Variants in RCOR3 observed in about 807,000 individuals in gnomAD.
The protein encoded by RCOR3 is REST corepressor 3.
Under a neutral mutation model 64.1 loss-of-function variants are expected in RCOR3, and 13 were observed. That is an observed-to-expected ratio of 0.20 (90% CI 0.13 to 0.32). The LOEUF is 0.32. RCOR3 is among the 10% of genes least tolerant of loss of function. RCOR3 has a pLI of 1.00. For synonymous variants in RCOR3, 215 were observed against 239.0 expected, an observed-to-expected ratio of 0.90 and a Z score of 0.93; for missense variants, 489 against 701.2, an observed-to-expected ratio of 0.70 and a Z score of 3.42.
chr1:211,259,955 G>A (rs1305872534), intron 1 of RCOR3, 153 bp from the exon 2 acceptor site: 15 of 1,201,694 alleles, frequency 1.2e-5, no homozygotes, highest in Non-Finnish European at 1.5e-5. Context: ...CCAATCCGCT[G>A]CCATCTCCCG....
intron 7 of RCOR3, among the ~76,000 whole-genome samples, chr1:211,284,084 C>T (rs867104293): frequency 6.6e-5 from 10 of 151,504 alleles, no homozygotes; most frequent in African/African-American, 1.9e-4. Flanking sequence ...GATGGAGTCT[C>T]GCTCTGTCGC....
chr1:211,294,118 A>G (rs1699570866), intron 8 of RCOR3, among the ~76,000 whole-genome samples: 2 of 152,346 alleles, frequency 1.3e-5, no homozygotes, highest in African/African-American at 4.8e-5. Flanking sequence ...CTCTGGAAAA[A>G]TTTGAGCATA....
At chr1:211,275,474 G>A (rs571062826) in intron 4 of RCOR3, among the ~76,000 whole-genome samples, 7 of 152,044 alleles carry the variant, frequency 4.6e-5, no homozygotes, top group African/African-American at 1.7e-4. Flanking sequence ...TTAAAGGACT[G>A]TTATCAGAGT....
At chr1:211,296,489 CT>C (rs960265445) in intron 9 of RCOR3, among the ~76,000 whole-genome samples, 7 of 151,868 alleles carry the variant, frequency 4.6e-5, no homozygotes, top group African/African-American at 1.5e-4. Context: ...CTTATTGGGA[CT>C]TTTTTTCCCC....
chr1:211,307,173 T>A (rs2102655817), intron 10 of RCOR3, among the ~76,000 whole-genome samples: 1 of 152,292 alleles, frequency 6.6e-6, no homozygotes, highest in East Asian at 1.9e-4. Flanking sequence ...ATTCATATGA[T>A]AAACAGAATT....
chr1:211,284,860 A>G (rs1307142850), intron 7 of RCOR3, among the ~76,000 whole-genome samples: 3 of 152,154 alleles, frequency 2.0e-5, no homozygotes, highest in Non-Finnish European at 2.9e-5. Flanking sequence ...ATCTTTTTCA[A>G]CTGGTCTGCA....
chr1:211,307,426 T>G (rs1041467822), intron 10 of RCOR3, among the ~76,000 whole-genome samples: 2 of 150,694 alleles, frequency 1.3e-5, no homozygotes, highest in African/African-American at 4.9e-5. Flanking sequence ...GAGGTGGAGG[T>G]TGCAGTGAGC....
intron 4 of RCOR3, among the ~76,000 whole-genome samples, chr1:211,276,010 C>A (rs929419734): frequency 2.6e-5 from 4 of 152,154 alleles, no homozygotes; most frequent in African/African-American, 7.2e-5. Context: ...CCTCAGCTCA[C>A]TGTTTTTCCT....
intron 2 of RCOR3, 54 bp downstream of exon 2, chr1:211,260,218 G>A: frequency 4.5e-6 from 7 of 1,554,688 alleles, no homozygotes; most frequent in Non-Finnish European, 6.2e-6. Context: ...GGCTTGGTTT[G>A]GGGTGGACGG....
At chr1:211,291,429 C>A in intron 8 of RCOR3, 2 of 381,018 alleles carry the variant, frequency 5.2e-6, no homozygotes, top group South Asian at 4.0e-5. Context: ...GCAAATATCC[C>A]AAAATCCCCT....
At chr1:211,308,686 T>TG (rs1277644812) in intron 10 of RCOR3, among the ~76,000 whole-genome samples, 6 of 66,766 alleles carry the variant, frequency 9.0e-5, no homozygotes, top group Middle Eastern at 6.4e-3. Flanking sequence ...TTTTTTTTGT[T>TG]TTTTTTTTTT....
At chr1:211,267,793 A>G (rs754706269) in intron 2 of RCOR3, 5 of 339,238 alleles carry the variant, frequency 1.5e-5, no homozygotes, top group African/African-American at 4.5e-5. Context: ...AGGTCTTGCT[A>G]TGTTTCCCAG....
intron 7 of RCOR3, among the ~76,000 whole-genome samples, chr1:211,283,219 G>A (rs777823051): frequency 6.6e-6 from 1 of 152,192 alleles, no homozygotes; most frequent in Non-Finnish European, 1.5e-5. Context: ...AAATTATGGA[G>A]GTGTTTTCAT....
At chr1:211,307,819 A>AG in intron 10 of RCOR3, among the ~76,000 whole-genome samples, 1 of 151,666 alleles carries the variant, frequency 6.6e-6, no homozygotes, top group Middle Eastern at 3.4e-3. Flanking sequence ...AACTTTAGTT[A>AG]TTTTTTATAT....
intron 9 of RCOR3, chr1:211,303,253 G>A (rs1318255333): frequency 6.6e-6 from 1 of 151,794 alleles, no homozygotes; most frequent in African/African-American, 2.4e-5. Flanking sequence ...TCTTCATTCT[G>A]AGTACTTGCA....
chr1:211,277,223 G>A (rs1697134696), intron 5 of RCOR3, among the ~76,000 whole-genome samples: 2 of 148,594 alleles, frequency 1.3e-5, no homozygotes, highest in Non-Finnish European at 3.0e-5. Context: ...TACATTTTTA[G>A]TATTGTGTCA....
chr1:211,280,086 T>C (rs973017881), intron 7 of RCOR3, among the ~76,000 whole-genome samples: 10 of 152,216 alleles, frequency 6.6e-5, no homozygotes, highest in Non-Finnish European at 1.2e-4. Flanking sequence ...AGAGGTAATA[T>C]GTATAAAAGC....
intron 7 of RCOR3, among the ~76,000 whole-genome samples, chr1:211,285,252 G>A (rs992636325): frequency 6.6e-6 from 1 of 152,092 alleles, no homozygotes. Context: ...TTTTCTGATC[G>A]TAAAGAGAAT....
intron 9 of RCOR3, among the ~76,000 whole-genome samples, chr1:211,300,430 C>T (rs752295887): frequency 2.6e-5 from 4 of 152,142 alleles, no homozygotes; most frequent in Non-Finnish European, 4.4e-5. Context: ...CTGATGACCA[C>T]ATTCCACAAC....
Sources: gnomAD v4.1 joint callset for allele counts (sites outside exome capture counted in the v4.1 genomes callset) on GRCh38, gnomAD v4.1.1 for gene constraint, MANE v1.5 for transcripts, NCBI Gene and HGNC (gene_info 2026-07-23, HGNC 2026-07-21) for gene names.